Variants in TMC7 observed in about 807,000 individuals in gnomAD.
TMC7 encodes the protein transmembrane channel like 7.
Under a neutral mutation model 82.9 loss-of-function variants are expected in TMC7, and 54 were observed. The observed-to-expected ratio is 0.65, with a 90% CI of 0.52 to 0.82. TMC7 has a LOEUF of 0.82. Ranked by LOEUF, TMC7 falls within the 40% of genes least tolerant of loss-of-function variation. TMC7 has a pLI of 0.00. For missense variants in TMC7, 820 were observed against 901.2 expected (o/e 0.91, Z 1.15); for synonymous variants, 350 against 337.9 (o/e 1.04, Z -0.39).
At chr16:18,994,474 A>G (rs1596717044) in intron 1 of TMC7, among the ~76,000 whole-genome samples, 1 of 151,342 alleles carries the variant, frequency 6.6e-6, no homozygotes, top group South Asian at 2.1e-4. Flanking sequence ...AAGAATTCTG[A>G]CCGCACAGCC....
chr16:19,045,488 C>CACACACAT, intron 11 of TMC7, 50 bp downstream of exon 11: 1 of 1,172,776 alleles, frequency 8.5e-7, no homozygotes, highest in Middle Eastern at 2.0e-4. Context: ...CACATGCACA[C>CACACACAT]ACACACATAC....
intron 2 of TMC7, among the ~76,000 whole-genome samples, chr16:19,013,376 A>T (rs1409149649): frequency 2.0e-5 from 3 of 148,432 alleles, no homozygotes; most frequent in African/African-American, 7.5e-5. Context: ...GCACCACCAC[A>T]CCTGGCTAAT....
intron 1 of TMC7, among the ~76,000 whole-genome samples, chr16:18,996,805 C>G: frequency 6.6e-6 from 1 of 152,278 alleles, no homozygotes; most frequent in African/African-American, 2.4e-5. Context: ...GGTGAATGAC[C>G]AAGGCAGGCA....
chr16:19,021,858 A>G (rs1010557309), intron 4 of TMC7, 62 bp downstream of exon 4: 21 of 1,553,012 alleles, frequency 1.4e-5, no homozygotes, highest in South Asian at 2.4e-5. Flanking sequence ...CCTTGCTACA[A>G]TGCTTCCTTT....
chr16:19,032,907 G>T (rs752439490), intron 6 of TMC7, among the ~76,000 whole-genome samples: 58 of 152,300 alleles, frequency 3.8e-4, no homozygotes, highest in Non-Finnish European at 4.4e-5. Flanking sequence ...GATTACAGGC[G>T]TGAGCCACCG....
In TMC7 at chr16:18,983,998, A is replaced by AGGCGGCGGCGGCGGCGGCGGC. The variant is rs759500658; in HGVS notation, c.-65_-45dup. 7.5e-7 allele frequency: 1 copy of AGGCGGCGGCGGCGGCGGCGGC among 1,332,074 alleles called. No individual in the cohort carries two copies. Among genetic ancestry groups the AGGCGGCGGCGGCGGCGGCGGC allele is most frequent in the African/African-American group, 1.6e-5 (1 of 64,044 alleles). 82.5% of individuals were successfully genotyped at this position (1,332,074 alleles called of 1,614,324 possible). On this transcript the variant is annotated 5_prime_UTR_variant, in exon 1 of 16. Transcript: ENST00000304381. ...CCGGCTCCGCGAGGGAAGGCCGGGG[A>AGGCGGCGGCGGCGGCGGCGGC]GGCGGCGGCGGCGGCGGCGGCTGGA...
At chr16:19,004,327 T>C (rs1396430308) in intron 1 of TMC7, among the ~76,000 whole-genome samples, 1 of 152,064 alleles carries the variant, frequency 6.6e-6, no homozygotes, top group Non-Finnish European at 1.5e-5. Context: ...AATTACCTAG[T>C]TGATTTGTAT....
intron 2 of TMC7, 76 bp from the exon 3 acceptor site, chr16:19,016,374 G>A: frequency 1.9e-6 from 3 of 1,576,984 alleles, no homozygotes; most frequent in Non-Finnish European, 2.6e-6. Flanking sequence ...ACAGGCGTGA[G>A]CTACTGTGCC....
intron 12 of TMC7, among the ~76,000 whole-genome samples, chr16:19,050,375 AAAAAAAAAAAAAAAAAACCAAAAAAAAC>A (rs1261774923): frequency 3.3e-5 from 5 of 151,358 alleles, no homozygotes; most frequent in South Asian, 2.1e-4. Flanking sequence ...TCAAAAAAAA[AAAAAAAAAAAAAAAAAACCAAAAAAAAC>A]AAAAAACTTA....
intron 1 of TMC7, among the ~76,000 whole-genome samples, chr16:18,997,703 C>T (rs549951120): frequency 9.5e-4 from 141 of 148,728 alleles, no homozygotes; most frequent in Non-Finnish European, 1.5e-3. Context: ...CAAGGATCTG[C>T]AAACAACTCC....
intron 6 of TMC7, chr16:19,033,707 A>C (rs1361684713): frequency 2.0e-5 from 3 of 152,042 alleles, no homozygotes; most frequent in Non-Finnish European, 2.9e-5. Context: ...ATAAAATAAA[A>C]TGTAGGTCTG....
intron 1 of TMC7, among the ~76,000 whole-genome samples, chr16:18,996,964 C>T (rs2039053845): frequency 6.6e-6 from 1 of 152,168 alleles, no homozygotes; most frequent in Non-Finnish European, 1.5e-5. Context: ...TCTCTTTTGT[C>T]TCTATTAGAG....
intron 14 of TMC7, among the ~76,000 whole-genome samples, chr16:19,057,675 C>G (rs899948823): frequency 6.6e-6 from 1 of 152,264 alleles, no homozygotes. Flanking sequence ...CCTGGTAGCA[C>G]TTCTCTGATC....
At position 19,043,041 on chromosome 16, in the gene TMC7, C is replaced by T. The variant is rs560507913; in HGVS notation, c.1338-1843C>T. On this transcript the variant is annotated intron_variant, in intron 9 of 15. Transcript: ENST00000304381. ...GATTACAGGCGTGAGCCACCGTGCC[C>T]GGCTACTTAATTTATTTTTGTATTA... is the stretch of plus-strand genomic sequence containing the variant. Among the ~76,000 whole-genome samples the T allele has an allele frequency of 5.7e-4, 86 of 151,976 alleles. 1 individual carries two copies. Among genetic ancestry groups the T allele is most frequent in the Admixed American group, 4.1e-3 (62 of 15,224 alleles).
chr16:18,994,826 C>CA (rs1462275497), intron 1 of TMC7, among the ~76,000 whole-genome samples: 1 of 152,134 alleles, frequency 6.6e-6, no homozygotes, highest in Non-Finnish European at 1.5e-5. Context: ...CATGCTGTAA[C>CA]AGGCAAGTGA....
In TMC7 at chr16:19,047,259, C is replaced by A. The variant is rs779817042; in HGVS notation, c.1740+10C>A. The A allele has an allele frequency of 6.2e-7, 1 of 1,611,644 alleles. No individual in the cohort carries two copies. The highest frequency in any genetic ancestry group is 8.5e-7 in the Non-Finnish European group (1 of 1,178,802). ...CTTCTATGTGAAAGAGGTAAGGAGCCGGTGGGAATGGGGGCTCATATACTG... is the reference window on the plus strand; with the variant it reads ...CTTCTATGTGAAAGAGGTAAGGAGCAGGTGGGAATGGGGGCTCATATACTG... On this transcript the variant is annotated intron_variant, in intron 12 of 15. Transcript: ENST00000304381.
chr16:19,032,564 A>G (rs1317195659), intron 6 of TMC7, among the ~76,000 whole-genome samples: 1 of 149,110 alleles, frequency 6.7e-6, no homozygotes, highest in African/African-American at 2.5e-5. Context: ...AAAAAAAAAG[A>G]CCATAGGGAC....
intron 13 of TMC7, among the ~76,000 whole-genome samples, chr16:19,055,374 TG>T (rs955447180): frequency 5.9e-5 from 9 of 152,190 alleles, no homozygotes; most frequent in African/African-American, 1.9e-4. Context: ...GCTTTTTTTT[TG>T]GAGATGGCAT....
At chr16:18,993,826 C>T (rs189677820) in intron 1 of TMC7, among the ~76,000 whole-genome samples, 6 of 152,148 alleles carry the variant, frequency 3.9e-5, no homozygotes, top group South Asian at 4.2e-4. Flanking sequence ...AGAGAGGGCC[C>T]GAGTTAAGGC....
Sources: gnomAD v4.1 joint callset for allele counts (sites outside exome capture counted in the v4.1 genomes callset) on GRCh38, gnomAD v4.1.1 for gene constraint, MANE v1.5 for transcripts, NCBI Gene and HGNC (gene_info 2026-07-23, HGNC 2026-07-21) for gene names.